The following ARSB variants were observed in gnomAD, a reference collection of about 807,000 sequenced individuals.
ARSB encodes arylsulfatase B, also known as N-acetylgalactosamine-4-sulfatase.
ARSB carries 41 observed loss-of-function variants against 50.9 expected under a neutral mutation model. That is an observed-to-expected ratio of 0.81 (90% CI 0.63 to 1.04). The LOEUF (loss-of-function observed/expected upper bound fraction) is 1.04, where lower values mean the gene tolerates loss of function less well. ARSB is among the 50% of genes least tolerant of loss of function. The pLI is 0.00. For missense variants in ARSB, 672 were observed against 693.3 expected, an observed-to-expected ratio of 0.97 and a Z score of 0.35; for synonymous variants, 269 against 284.8, an observed-to-expected ratio of 0.94 and a Z score of 0.56.
chr5:78,943,491 A>C (rs1250029930), intron 4 of ARSB, among the ~76,000 whole-genome samples: 4 of 152,204 alleles, frequency 2.6e-5, no homozygotes, highest in African/African-American at 7.2e-5. Context: ...AAAATCTCTC[A>C]GCATTTGCTT....
chr5:78,787,140 A>ATCTATCT (rs1749110486), intron 6 of ARSB, among the ~76,000 whole-genome samples: 1 of 151,186 alleles, frequency 6.6e-6, no homozygotes, highest in Non-Finnish European at 1.5e-5. Context: ...CTATCTATAT[A>ATCTATCT]GATACAGGTT....
chr5:78,861,666 G>T (rs866782254), intron 5 of ARSB, among the ~76,000 whole-genome samples: 1 of 152,136 alleles, frequency 6.6e-6, no homozygotes. Context: ...ATACTGAATG[G>T]GCAAAAACTG....
chr5:78,838,533 GAAGT>G (rs1262497306), intron 6 of ARSB, among the ~76,000 whole-genome samples: 4 of 152,170 alleles, frequency 2.6e-5, no homozygotes, highest in Admixed American at 2.0e-4. Flanking sequence ...AAAAAACAAA[GAAGT>G]AAGGAGAGCC....
At position 78,866,423 on chromosome 5, in the gene ARSB, G is replaced by A. The variant is rs1442680897; in HGVS notation, c.1142+19161C>T. On this transcript the variant is annotated intron_variant, in intron 5 of 7. Coordinates refer to ENST00000264914, the MANE Select transcript of ARSB (RefSeq NM_000046.5). ...CCACTGGGTCCCTGCCACAACACATGGGAATTCAAGATGAGATTTGGGTGG... is the reference window on the plus strand; with the variant it reads ...CCACTGGGTCCCTGCCACAACACATAGGAATTCAAGATGAGATTTGGGTGG... 3.9e-5 allele frequency among the ~76,000 whole-genome samples: 6 copies of A among 152,126 alleles called. No homozygotes were observed. The East Asian group carries it at 9.6e-4, about 24-fold the overall frequency.
In ARSB at chr5:78,949,730, C is replaced by T. The variant is rs562446586; in HGVS notation, c.898+5565G>A. Reference sequence around the variant, plus strand: ...TTCGAGACCAGTCTGGCCAACATGGCGAAACCTTGTCTCTCCTAAAAATAC... The same window carrying T: ...TTCGAGACCAGTCTGGCCAACATGGTGAAACCTTGTCTCTCCTAAAAATAC... On this transcript the variant is annotated intron_variant, in intron 4 of 7. Transcript: ENST00000264914. Among the ~76,000 whole-genome samples, 256 of 152,102 alleles carry T rather than the reference C, an allele frequency of 1.7e-3. 1 individual carries two copies. Among genetic ancestry groups the T allele is most frequent in the Non-Finnish European group, 2.7e-3 (181 of 67,960 alleles).
intron 6 of ARSB, among the ~76,000 whole-genome samples, chr5:78,803,098 T>C (rs962848459): frequency 6.6e-6 from 1 of 152,228 alleles, no homozygotes; most frequent in Non-Finnish European, 1.5e-5. Context: ...AGTGAAACAC[T>C]TATCTGAATG....
At chr5:78,894,068 T>C (rs1320253031) in intron 4 of ARSB, among the ~76,000 whole-genome samples, 1 of 152,236 alleles carries the variant, frequency 6.6e-6, no homozygotes, top group Non-Finnish European at 1.5e-5. Flanking sequence ...GACAGCTGTT[T>C]ATCCTTCAGT....
chr5:78,894,087 T>C (rs533824441), intron 4 of ARSB, among the ~76,000 whole-genome samples: 163 of 152,274 alleles, frequency 1.1e-3, no homozygotes, highest in African/African-American at 3.7e-3. Context: ...GTAATGCCAC[T>C]AGAGAAGTAA....
chr5:78,965,622 T>C (rs751398068), intron 2 of ARSB, among the ~76,000 whole-genome samples: 6 of 152,194 alleles, frequency 3.9e-5, no homozygotes, highest in Non-Finnish European at 7.4e-5. Context: ...AATTGTATGA[T>C]ATGTGAATTA....
rs1375957391 is a variant in ARSB at position 78,789,773 on chromosome 5, T to C, written c.1214-7799A>G. 2.0e-5 allele frequency among the ~76,000 whole-genome samples: 3 copies of C among 152,334 alleles called. No individual in the cohort carries two copies. The East Asian group carries it at 5.8e-4, about 29-fold the overall frequency. Reference sequence around the variant, plus strand: ...AACATAATACAGATGAGGCATTGTTTTAAGCACTTGGTGTCTAATTTAATC... The same window carrying C: ...AACATAATACAGATGAGGCATTGTTCTAAGCACTTGGTGTCTAATTTAATC... On this transcript the variant is annotated intron_variant, in intron 6 of 7. Coordinates refer to ENST00000264914, the MANE Select transcript of ARSB (RefSeq NM_000046.5).
At chr5:78,880,635 T>G (rs1187786676) in intron 5 of ARSB, among the ~76,000 whole-genome samples, 1 of 152,218 alleles carries the variant, frequency 6.6e-6, no homozygotes, top group Admixed American at 6.5e-5. Context: ...AGTTCAAGAT[T>G]TGCTTTGCTT....
chr5:78,793,925 G>A (rs1031746049), intron 6 of ARSB, among the ~76,000 whole-genome samples: 8 of 152,214 alleles, frequency 5.3e-5, no homozygotes, highest in African/African-American at 1.2e-4. Context: ...GCAAGTATGC[G>A]TGTGCTGGGG....
chr5:78,821,303 T>C (rs1744211429), intron 6 of ARSB, among the ~76,000 whole-genome samples: 1 of 152,090 alleles, frequency 6.6e-6, no homozygotes, highest in Admixed American at 6.5e-5. Context: ...GCCCAGCTAA[T>C]TTTTTTGTAA....
At chr5:78,894,417 C>T (rs1225133995) in intron 4 of ARSB, among the ~76,000 whole-genome samples, 3 of 152,328 alleles carry the variant, frequency 2.0e-5, no homozygotes, top group South Asian at 4.1e-4. Context: ...TTTACTGAAT[C>T]TCTACTTCTT....
At chr5:78,783,743 C>T (rs1333999224) in intron 6 of ARSB, among the ~76,000 whole-genome samples, 2 of 151,716 alleles carry the variant, frequency 1.3e-5, no homozygotes, top group African/African-American at 4.8e-5. Context: ...TTTGTGAACA[C>T]AAACAAAAAA....
Position 78,882,332 on chromosome 5 carries a change from C to CAAG in ARSB, c.1142+3249_1142+3251dup, listed in dbSNP as rs541003430. On this transcript the variant is annotated intron_variant, in intron 5 of 7. Coordinates refer to ENST00000264914, the MANE Select transcript of ARSB (RefSeq NM_000046.5). ...CTCAGGAAAAAATGAGACTGAGAGA[C>CAAG]AAGAGAGCAGGAGGAGGTCAGAGAA... Among the ~76,000 whole-genome samples the CAAG allele has an allele frequency of 9.9e-5, 15 of 152,242 alleles. No homozygotes were observed. In the South Asian group the frequency reaches 2.9e-3, roughly 29 times the overall value.
chr5:78,805,465 G>A (rs577623451), intron 6 of ARSB, among the ~76,000 whole-genome samples: 2 of 152,284 alleles, frequency 1.3e-5, no homozygotes, highest in South Asian at 4.1e-4. Flanking sequence ...ATTCGTTATT[G>A]TTACTTCTAA....
In ARSB at chr5:78,896,545, T is replaced by C. The variant is rs570319325; in HGVS notation, c.899-10718A>G. On this transcript the variant is annotated intron_variant, in intron 4 of 7. Coordinates refer to ENST00000264914, the MANE Select transcript of ARSB (RefSeq NM_000046.5). The stretch of plus-strand genomic sequence containing the variant: ...CTGAAATTTGTGATTACTATGCATA[T>C]GTGTGAGCACTATGGCTGGATGTCC... Among the ~76,000 whole-genome samples, 3 of 152,348 alleles carry C rather than the reference T, an allele frequency of 2.0e-5. No individual in the cohort carries two copies. In the South Asian group the frequency reaches 6.2e-4, roughly 32 times the overall value.
At position 78,829,494 on chromosome 5, in the gene ARSB, G is replaced by T. The variant is rs1274278592; in HGVS notation, c.1213+9862C>A. On this transcript the variant is annotated intron_variant, in intron 6 of 7. Coordinates refer to ENST00000264914, the MANE Select transcript of ARSB (RefSeq NM_000046.5). Reference sequence around the variant, plus strand: ...TTGTTCTACTTTATTTTATAACTGTGTTAATATCCTTTCCTGGGCATATGT... The same window carrying T: ...TTGTTCTACTTTATTTTATAACTGTTTTAATATCCTTTCCTGGGCATATGT... Among the ~76,000 whole-genome samples, 6 of 152,068 alleles carry T rather than the reference G, an allele frequency of 3.9e-5. No individual in the cohort carries two copies. The South Asian group carries it at 1.2e-3, about 32-fold the overall frequency.
Sources: allele counts gnomAD v4.1 joint callset (sites outside exome capture counted in the v4.1 genomes callset), GRCh38; gene constraint gnomAD v4.1.1; transcripts MANE v1.5; gene names NCBI Gene and HGNC (gene_info 2026-07-23, HGNC 2026-07-21).